The following SCAPER variants were observed in gnomAD, a reference collection of about 807,000 sequenced individuals.
SCAPER encodes S-phase cyclin A associated protein in the ER.
In SCAPER, 98 loss-of-function variants were observed where a neutral mutation model predicts 182.2. The observed-to-expected ratio is 0.54, with a 90% CI of 0.46 to 0.64. The LOEUF (loss-of-function observed/expected upper bound fraction) is 0.64. Ranked by LOEUF, SCAPER falls within the 30% of genes least tolerant of loss-of-function variation. The probability of loss-of-function intolerance (pLI) is 0.00; values close to 1 mark genes in which losing one functional copy is unlikely to be tolerated. For synonymous variants in SCAPER, 605 were observed against 564.6 expected (o/e 1.07, Z -1.01); for missense variants, 1,432 against 1,690.0 (o/e 0.85, Z 2.68).
chr15:76,780,392 A>T (rs1380713552), intron 8 of SCAPER, among the ~76,000 whole-genome samples: 1 of 152,250 alleles, frequency 6.6e-6, no homozygotes, highest in Non-Finnish European at 1.5e-5. Context: ...AACCAGGTGG[A>T]GACCACAGCA....
intron 23 of SCAPER, among the ~76,000 whole-genome samples, chr15:76,519,614 C>T (rs1001184062): frequency 3.3e-5 from 5 of 152,196 alleles, no homozygotes; most frequent in African/African-American, 1.2e-4. Flanking sequence ...ACAATAGTGG[C>T]TAAGAGCATG....
chr15:76,411,136 A>T (rs2045260025), intron 26 of SCAPER, among the ~76,000 whole-genome samples: 1 of 152,176 alleles, frequency 6.6e-6, no homozygotes, highest in African/African-American at 2.4e-5. Flanking sequence ...AAAGGAAATC[A>T]TTCAAAATGT....
intron 8 of SCAPER, 95 bp downstream of exon 8, chr15:76,795,185 T>C: frequency 3.6e-6 from 4 of 1,126,486 alleles, no homozygotes; most frequent in Non-Finnish European, 5.0e-6. Context: ...ACGTATGTTG[T>C]ACAAAAAGAT....
chr15:76,701,115 A>G (rs1328304003), intron 20 of SCAPER, among the ~76,000 whole-genome samples: 3 of 152,016 alleles, frequency 2.0e-5, no homozygotes, highest in Non-Finnish European at 4.4e-5. Context: ...AAAAAGTTCA[A>G]TATACACATG....
chr15:76,823,385 G>A (rs1019434621), intron 5 of SCAPER, among the ~76,000 whole-genome samples: 1 of 151,990 alleles, frequency 6.6e-6, no homozygotes, highest in Non-Finnish European at 1.5e-5. Context: ...GCTTGAACTT[G>A]GGAGGCGGAG....
At chr15:76,841,517 T>C (rs1294918449) in intron 5 of SCAPER, among the ~76,000 whole-genome samples, 1 of 151,958 alleles carries the variant, frequency 6.6e-6, no homozygotes, top group Non-Finnish European at 1.5e-5. Flanking sequence ...TGTGGTGGCA[T>C]GTGCCTGTAA....
chr15:76,887,771 G>A (rs1176370812), intron 1 of SCAPER, among the ~76,000 whole-genome samples: 2 of 152,174 alleles, frequency 1.3e-5, no homozygotes, highest in South Asian at 2.1e-4. Flanking sequence ...AGACTTAAAC[G>A]TCCCTGTCTG....
At chr15:76,537,985 T>A (rs1298544109) in intron 23 of SCAPER, among the ~76,000 whole-genome samples, 1 of 151,762 alleles carries the variant, frequency 6.6e-6, no homozygotes, top group African/African-American at 2.4e-5. Context: ...TCACTGGCCA[T>A]CAGAGAAATG....
chr15:76,798,693 C>T (rs140471912), intron 7 of SCAPER, among the ~76,000 whole-genome samples: 142 of 152,140 alleles, frequency 9.3e-4, no homozygotes, highest in African/African-American at 3.3e-3. Flanking sequence ...CAAGGATCCT[C>T]AATAACAGCT....
At chr15:76,685,957 C>G in intron 20 of SCAPER, among the ~76,000 whole-genome samples, 1 of 151,992 alleles carries the variant, frequency 6.6e-6, no homozygotes, top group Non-Finnish European at 1.5e-5. Flanking sequence ...ATGTCAAAAA[C>G]AAAACTTCAA....
intron 5 of SCAPER, among the ~76,000 whole-genome samples, chr15:76,828,062 C>T (rs2068155278): frequency 2.0e-5 from 3 of 151,984 alleles, no homozygotes; most frequent in Admixed American, 2.0e-4. Context: ...GAAAGAGAGG[C>T]CTGAGCTAGT....
chr15:76,445,125 C>T (rs1013380553), intron 25 of SCAPER, among the ~76,000 whole-genome samples: 1 of 152,184 alleles, frequency 6.6e-6, no homozygotes, highest in Non-Finnish European at 1.5e-5. Flanking sequence ...ACCCTATTCT[C>T]ACCTTTTCTC....
intron 1 of SCAPER, among the ~76,000 whole-genome samples, chr15:76,896,327 C>T (rs2074433891): frequency 6.6e-6 from 1 of 152,050 alleles, no homozygotes; most frequent in African/African-American, 2.4e-5. Flanking sequence ...GTTGTGATCA[C>T]ACCACTGCAC....
intron 1 of SCAPER, among the ~76,000 whole-genome samples, chr15:76,901,785 T>C (rs1300759225): frequency 6.6e-6 from 1 of 152,090 alleles, no homozygotes; most frequent in Non-Finnish European, 1.5e-5. Flanking sequence ...AGTGGCACGA[T>C]CTCAGCTCAC....
At chr15:76,814,572 G>A (rs1166289027) in intron 5 of SCAPER, among the ~76,000 whole-genome samples, 1 of 151,984 alleles carries the variant, frequency 6.6e-6, no homozygotes, top group African/African-American at 2.4e-5. Flanking sequence ...GTAAAAGAAG[G>A]AACTAGACCC....
intron 5 of SCAPER, among the ~76,000 whole-genome samples, chr15:76,812,326 AC>A: frequency 6.6e-6 from 1 of 152,060 alleles, no homozygotes. Flanking sequence ...GAAAAAAAAA[AC>A]AAAAAACAAA....
At chr15:76,870,338 C>A (rs928001063) in intron 2 of SCAPER, among the ~76,000 whole-genome samples, 1 of 151,814 alleles carries the variant, frequency 6.6e-6, no homozygotes, top group Non-Finnish European at 1.5e-5. Context: ...TCAATTATCA[C>A]ATGTACCCCA....
intron 24 of SCAPER, among the ~76,000 whole-genome samples, chr15:76,503,924 T>C (rs75592822): frequency 0.05 from 7,547 of 152,132 alleles, 223 homozygotes; most frequent in South Asian, 0.12. Flanking sequence ...CTTGCTCTGT[T>C]GCCCAGACTA....
intron 23 of SCAPER, among the ~76,000 whole-genome samples, chr15:76,514,660 T>C (rs1429992546): frequency 6.6e-6 from 1 of 152,212 alleles, no homozygotes; most frequent in East Asian, 1.9e-4. Context: ...GTTCTGAGCA[T>C]CTGTGGCACC....
Sources: allele counts gnomAD v4.1 joint callset (sites outside exome capture counted in the v4.1 genomes callset), GRCh38; gene constraint gnomAD v4.1.1; transcripts MANE v1.5; gene names NCBI Gene and HGNC (gene_info 2026-07-23, HGNC 2026-07-21).